Variants in SORCS1 observed in about 807,000 individuals in gnomAD.
The protein encoded by SORCS1 is VPS10 domain-containing receptor SorCS1.
In SORCS1, 60 loss-of-function variants were observed where a neutral mutation model predicts 146.1. That is an observed-to-expected ratio of 0.41 (90% CI 0.33 to 0.51). The LOEUF is 0.51. Among genes scored for constraint, SORCS1 ranks in the 20% least tolerant of loss-of-function variants. The pLI is 0.21. For missense variants in SORCS1, 1,352 were observed against 1,487.6 expected (o/e 0.91, Z 1.50); for synonymous variants, 637 against 584.0 (o/e 1.09, Z -1.31).
At chr10:106,989,104 CAAA>C (rs111258873) in intron 1 of SORCS1, among the ~76,000 whole-genome samples, 1 of 109,346 alleles carries the variant, frequency 9.1e-6, no homozygotes, top group East Asian at 2.6e-4. Context: ...ACTAAAAATA[CAAA>C]AAAAAAAAAA....
intron 3 of SORCS1, among the ~76,000 whole-genome samples, chr10:106,809,201 G>A (rs184765517): frequency 6.0e-5 from 9 of 151,230 alleles, no homozygotes; most frequent in Admixed American, 4.6e-4. Context: ...GGGAGTAATA[G>A]GTATACAATA....
chr10:106,716,851 C>T (rs775972807), intron 6 of SORCS1, among the ~76,000 whole-genome samples: 1 of 152,078 alleles, frequency 6.6e-6, no homozygotes, highest in Non-Finnish European at 1.5e-5. Flanking sequence ...TGCTTAAAAT[C>T]CAGGCCGGGC....
intron 1 of SORCS1, among the ~76,000 whole-genome samples, chr10:107,044,512 TAAAAAAAAA>T (rs59253149): frequency 4.1e-5 from 3 of 74,058 alleles, no homozygotes; most frequent in African/African-American, 1.1e-4. Flanking sequence ...TTCTAATTTG[TAAAAAAAAA>T]AAAAAAAAAA....
At chr10:107,036,501 T>C (rs547620063) in intron 1 of SORCS1, among the ~76,000 whole-genome samples, 29 of 152,058 alleles carry the variant, frequency 1.9e-4, no homozygotes, top group African/African-American at 6.5e-4. Context: ...CCTATGATAA[T>C]TGAGGAGAGA....
chr10:106,944,874 CTTTTT>C (rs765355110), intron 2 of SORCS1, among the ~76,000 whole-genome samples: 25 of 36,604 alleles, frequency 6.8e-4, no homozygotes, highest in East Asian at 2.0e-3. Flanking sequence ...AAAGAGCCTT[CTTTTT>C]TTTTTTTTTT....
chr10:106,760,710 A>AAC (rs58948425), intron 5 of SORCS1, among the ~76,000 whole-genome samples: 3,097 of 148,656 alleles, frequency 0.021, 87 homozygotes, highest in African/African-American at 0.057. Context: ...CACACACACT[A>AAC]ACACACACAC....
intron 10 of SORCS1, among the ~76,000 whole-genome samples, chr10:106,683,215 C>A (rs1672426097): frequency 6.6e-6 from 1 of 152,166 alleles, no homozygotes; most frequent in South Asian, 2.1e-4. Context: ...TTTGGCTATT[C>A]CAAGTGTTCA....
At chr10:107,096,515 T>G (rs1358005637) in intron 1 of SORCS1, among the ~76,000 whole-genome samples, 1 of 152,078 alleles carries the variant, frequency 6.6e-6, no homozygotes, top group Non-Finnish European at 1.5e-5. Flanking sequence ...ATTTTTATTA[T>G]TTATTTATTT....
chr10:106,856,428 CT>C (rs1008695267), intron 2 of SORCS1, among the ~76,000 whole-genome samples: 4 of 152,210 alleles, frequency 2.6e-5, no homozygotes, highest in African/African-American at 4.8e-5. Flanking sequence ...CATTTCTTCC[CT>C]GCTTAGGTGG....
intron 1 of SORCS1, among the ~76,000 whole-genome samples, chr10:107,046,641 A>G (rs2134022006): frequency 6.6e-6 from 1 of 152,274 alleles, no homozygotes; most frequent in Admixed American, 6.5e-5. Context: ...AGAGGGTGGG[A>G]AAAGAAGTGT....
In SORCS1 at chr10:106,735,103, G is replaced by T. The variant is rs561257633; in HGVS notation, c.960-4989C>A. 3.4e-5 allele frequency among the ~76,000 whole-genome samples: 5 copies of T among 147,538 alleles called. 1 individual carries two copies. The East Asian group carries it at 1.0e-3, about 29-fold the overall frequency. On this transcript the variant is annotated intron_variant, in intron 5 of 25. Transcript: ENST00000263054. ...GGAGGTTGCAGTGAGCCGAGATCAA[G>T]CCAGTGCACTCCAGGCTGGGCGACA...
intron 1 of SORCS1, among the ~76,000 whole-genome samples, chr10:106,978,197 G>A (rs1413261494): frequency 1.3e-5 from 2 of 152,022 alleles, no homozygotes; most frequent in Non-Finnish European, 2.9e-5. Context: ...CACCCACCTC[G>A]GCCTCCCACA....
At chr10:107,144,558 GAACACCACCTGGGTTT>G (rs1241551034) in intron 1 of SORCS1, among the ~76,000 whole-genome samples, 2 of 152,190 alleles carry the variant, frequency 1.3e-5, no homozygotes, top group Non-Finnish European at 2.9e-5. Context: ...TATCCCTGTG[GAACACCACCTGGGTTT>G]AAAGAAAGAG....
At position 106,800,513 on chromosome 10, in the gene SORCS1, C is replaced by CTT. The variant is rs763659103; in HGVS notation, c.727-23823_727-23822dup. ...AAAGATACATAGGTTCTAGGTGAATCTTTTTTTTTTTTTTTTTTTTTTTTT... is the reference window on the plus strand; with the variant it reads ...AAAGATACATAGGTTCTAGGTGAATCTTTTTTTTTTTTTTTTTTTTTTTTTTT... On this transcript the variant is annotated intron_variant, in intron 3 of 25. Coordinates refer to ENST00000263054, the MANE Select transcript of SORCS1 (RefSeq NM_052918.5). Among the ~76,000 whole-genome samples the CTT allele has an allele frequency of 5.5e-3, 493 of 89,058 alleles. 46 individuals are homozygous for CTT. The highest frequency in any genetic ancestry group is 0.019 in the African/African-American group (446 of 23,996). 58.4% of individuals were successfully genotyped at this position (89,058 alleles called of 152,430 possible). A position where few individuals can be genotyped will look rare whatever the true frequency, so the allele number is the denominator to read the frequency against.
Position 107,070,840 on chromosome 10 carries a change from C to CAT in SORCS1, c.558+93127_558+93128dup, listed in dbSNP as rs200007904. Among the ~76,000 whole-genome samples, 120 of 151,750 alleles carry CAT rather than the reference C, an allele frequency of 7.9e-4. No homozygotes were observed. In the East Asian group the frequency reaches 0.021, roughly 27 times the overall value. On this transcript the variant is annotated intron_variant, in intron 1 of 25. Coordinates refer to ENST00000263054, the MANE Select transcript of SORCS1 (RefSeq NM_052918.5). The stretch of plus-strand genomic sequence containing the variant: ...ATTCATGTACACAGACACACACATA[C>CAT]ATATATATATAATTCTCCTGTGAAG...
intron 1 of SORCS1, among the ~76,000 whole-genome samples, chr10:107,124,447 G>A (rs549729299): frequency 2.0e-5 from 3 of 152,260 alleles, no homozygotes; most frequent in South Asian, 4.1e-4. Flanking sequence ...ATCAGGACCA[G>A]TCAGGTTTTA....
intron 2 of SORCS1, among the ~76,000 whole-genome samples, chr10:106,876,038 CTATTTAT>C (rs1416918014): frequency 6.6e-6 from 1 of 151,762 alleles, no homozygotes; most frequent in African/African-American, 2.4e-5. Context: ...AAAATAATTT[CTATTTAT>C]TATTTATATT....
chr10:106,893,473 C>T (rs55885882), intron 2 of SORCS1, among the ~76,000 whole-genome samples: 6 of 152,066 alleles, frequency 3.9e-5, no homozygotes, highest in African/African-American at 7.3e-5. Flanking sequence ...GTATTATCTG[C>T]ACCTAGCACA....
intron 9 of SORCS1, among the ~76,000 whole-genome samples, chr10:106,695,605 T>C (rs1339228755): frequency 1.3e-5 from 2 of 152,216 alleles, no homozygotes; most frequent in African/African-American, 2.4e-5. Context: ...AGTCCCTACC[T>C]CATAATGTAT....
Sources: allele counts gnomAD v4.1 joint callset (sites outside exome capture counted in the v4.1 genomes callset), GRCh38; gene constraint gnomAD v4.1.1; transcripts MANE v1.5; gene names NCBI Gene and HGNC (gene_info 2026-07-23, HGNC 2026-07-21).